Variants in PTPRN2 observed in about 807,000 individuals in gnomAD.
The protein encoded by PTPRN2 is receptor-type tyrosine-protein phosphatase N2.
PTPRN2 carries 74 observed loss-of-function variants against 118.8 expected under a neutral mutation model. The observed-to-expected ratio is 0.62, with a 90% CI of 0.52 to 0.76. The LOEUF (loss-of-function observed/expected upper bound fraction) is 0.76. Among genes scored for constraint, PTPRN2 ranks in the 30% least tolerant of loss-of-function variants. The pLI is 0.00. For missense variants in PTPRN2, 1,481 were observed against 1,394.4 expected (o/e 1.06, Z -0.99); for synonymous variants, 641 against 608.0 (o/e 1.05, Z -0.80).
chr7:158,367,604 C>T (rs914560190), intron 2 of PTPRN2, among the ~76,000 whole-genome samples: 7 of 152,244 alleles, frequency 4.6e-5, no homozygotes, highest in South Asian at 2.1e-4. Context: ...CGAAGGATGA[C>T]GAAATTACGT....
chr7:158,351,897 G>GACCAC (rs1807980933), intron 2 of PTPRN2, among the ~76,000 whole-genome samples: 1 of 67,862 alleles, frequency 1.5e-5, no homozygotes, highest in African/African-American at 5.7e-5. Context: ...CTCGCCTCCT[G>GACCAC]TCCGCTCCCC....
intron 12 of PTPRN2, among the ~76,000 whole-genome samples, chr7:157,850,407 G>A (rs1297042015): frequency 6.6e-6 from 1 of 152,014 alleles, no homozygotes; most frequent in Non-Finnish European, 1.5e-5. Flanking sequence ...GCTCGTGTAA[G>A]GGATCCCAGG....
At chr7:158,585,040 C>G (rs1484752909) in intron 1 of PTPRN2, among the ~76,000 whole-genome samples, 1 of 152,190 alleles carries the variant, frequency 6.6e-6, no homozygotes, top group Non-Finnish European at 1.5e-5. Context: ...ACAAATGGCA[C>G]AGCTGGGCCG....
intron 1 of PTPRN2, among the ~76,000 whole-genome samples, chr7:158,554,964 C>T (rs923380885): frequency 1.3e-5 from 2 of 152,156 alleles, no homozygotes; most frequent in Non-Finnish European, 2.9e-5. Flanking sequence ...ACCCACGACC[C>T]GGGGACACGT....
At chr7:158,197,024 A>G (rs776407462) in intron 4 of PTPRN2, among the ~76,000 whole-genome samples, 2 of 152,160 alleles carry the variant, frequency 1.3e-5, no homozygotes, top group Non-Finnish European at 2.9e-5. Context: ...ATGTATATAC[A>G]TGTATGTGTG....
Position 157,560,868 on chromosome 7 carries a change from C to T in PTPRN2, c.2902+8034G>A, listed in dbSNP as rs755388782. On this transcript the variant is annotated intron_variant, in intron 21 of 22. Coordinates refer to ENST00000389418, the MANE Select transcript of PTPRN2 (RefSeq NM_002847.5). This position sits in a 1 kb window ranked among gnomAD's most constrained non-coding sequence, Gnocchi z 6.7. ...GTTTCAGCCAAACATAAAAGCGAGACGTCTCCTGCTCAGCTTTCCCAATTC... is the reference window on the plus strand; with the variant it reads ...GTTTCAGCCAAACATAAAAGCGAGATGTCTCCTGCTCAGCTTTCCCAATTC... Among the ~76,000 whole-genome samples the T allele has an allele frequency of 1.3e-5, 2 of 152,178 alleles. No individual in the cohort carries two copies. The highest frequency in any genetic ancestry group is 2.9e-5 in the Non-Finnish European group (2 of 68,030).
chr7:157,860,350 C>G (rs1283869760), intron 12 of PTPRN2, among the ~76,000 whole-genome samples: 5 of 152,244 alleles, frequency 3.3e-5, no homozygotes, highest in Admixed American at 6.5e-5. Flanking sequence ...GCAGCCCACC[C>G]CACAGTCCAC....
At chr7:157,937,814 A>G (rs1299189255) in intron 11 of PTPRN2, among the ~76,000 whole-genome samples, 2 of 152,216 alleles carry the variant, frequency 1.3e-5, no homozygotes, top group Admixed American at 6.5e-5. Context: ...CGTATCTGCA[A>G]TCTGCTCGTC....
chr7:157,953,450 A>T lies in PTPRN2; in HGVS notation c.1724-54713T>A, dbSNP rs1399278790. Among the ~76,000 whole-genome samples, 1 of 152,074 alleles carries T rather than the reference A, an allele frequency of 6.6e-6. No individual in the cohort carries two copies. The highest frequency in any genetic ancestry group is 2.4e-5 in the African/African-American group (1 of 41,416). ...GTGGCATGGAGAGTGTCCTCCCAGG[A>T]TACAGCGGAGTGCCCGTCACCACCT... On this transcript the variant is annotated intron_variant, in intron 11 of 22. Transcript: ENST00000389418. The surrounding 1 kb of genome is among the most constrained non-coding windows in gnomAD (Gnocchi z 4.6).
intron 5 of PTPRN2, among the ~76,000 whole-genome samples, chr7:158,173,455 A>C (rs1823899584): frequency 6.6e-6 from 1 of 152,178 alleles, no homozygotes; most frequent in Admixed American, 6.5e-5. Context: ...GTGTACAAAT[A>C]GGGAGTAGGT....
At chr7:158,399,914 C>G (rs1045622528) in intron 2 of PTPRN2, among the ~76,000 whole-genome samples, 1 of 152,134 alleles carries the variant, frequency 6.6e-6, no homozygotes, top group African/African-American at 2.4e-5. Context: ...CATTAGTCCC[C>G]AGGCACTTGC....
chr7:157,701,000 G>A (rs1054676494), intron 12 of PTPRN2, among the ~76,000 whole-genome samples: 10 of 152,236 alleles, frequency 6.6e-5, no homozygotes, highest in Admixed American at 6.5e-5. Context: ...ACACACGCAC[G>A]CTTTCGCACA....
At chr7:157,947,492 C>T (rs1277610145) in intron 11 of PTPRN2, among the ~76,000 whole-genome samples, 1 of 152,096 alleles carries the variant, frequency 6.6e-6, no homozygotes, top group Non-Finnish European at 1.5e-5. Flanking sequence ...TGTGGTGGTA[C>T]CAGGGGGCAG....
At chr7:158,421,041 C>T (rs1815203532) in intron 2 of PTPRN2, among the ~76,000 whole-genome samples, 1 of 152,194 alleles carries the variant, frequency 6.6e-6, no homozygotes, top group African/African-American at 2.4e-5. Context: ...CCCATGTCAT[C>T]CTCTGCTCAA....
intron 11 of PTPRN2, among the ~76,000 whole-genome samples, chr7:157,951,855 A>G (rs555296805): frequency 2.0e-5 from 3 of 152,270 alleles, no homozygotes; most frequent in South Asian, 4.1e-4. Context: ...TGAGTCAGCC[A>G]TGGTTGGCAG....
intron 2 of PTPRN2, among the ~76,000 whole-genome samples, chr7:158,367,898 C>G (rs1052504993): frequency 6.6e-6 from 1 of 152,180 alleles, no homozygotes; most frequent in Non-Finnish European, 1.5e-5. Flanking sequence ...ACCATGGCAG[C>G]AGCATTTGGG....
intron 11 of PTPRN2, among the ~76,000 whole-genome samples, chr7:158,076,061 G>A (rs1812332928): frequency 6.6e-6 from 1 of 152,270 alleles, no homozygotes; most frequent in Admixed American, 6.5e-5. Context: ...GGTCCTTGGA[G>A]AGTCACTTTC....
At chr7:158,541,538 A>G (rs1199402735) in intron 1 of PTPRN2, 1 of 1,352,114 alleles carries the variant, frequency 7.4e-7, no homozygotes, top group Admixed American at 1.9e-5. Flanking sequence ...TGTGGCTCAC[A>G]CAGAACATCT....
chr7:157,850,233 C>A (rs1177558046), intron 12 of PTPRN2, among the ~76,000 whole-genome samples: 1 of 152,090 alleles, frequency 6.6e-6, no homozygotes, highest in Admixed American at 6.6e-5. Flanking sequence ...AAGTGCGGAG[C>A]CTCAGGCTCA....
Sources: gnomAD v4.1 joint callset for allele counts (sites outside exome capture counted in the v4.1 genomes callset) on GRCh38, gnomAD v4.1.1 for gene constraint, Gnocchi (gnomAD v3.1) non-coding constraint, MANE v1.5 for transcripts, NCBI Gene and HGNC (gene_info 2026-07-23, HGNC 2026-07-21) for gene names.